UNC5C: variants seen among roughly 807,000 people sequenced by gnomAD.
UNC5C encodes netrin receptor UNC5C.
Under a neutral mutation model 99.8 loss-of-function variants are expected in UNC5C, and 47 were observed. The observed-to-expected ratio is 0.47, with a 90% confidence interval of 0.37 to 0.60. UNC5C has a LOEUF of 0.60. Ranked by LOEUF, UNC5C falls within the 20% of genes least tolerant of loss-of-function variation. The pLI, the probability that UNC5C is intolerant of heterozygous loss-of-function variation, is 0.00. For synonymous variants in UNC5C, 487 were observed against 452.2 expected, an observed-to-expected ratio of 1.08 and a Z score of -0.98; for missense variants, 1,062 against 1,165.9, an observed-to-expected ratio of 0.91 and a Z score of 1.30.
At chr4:95,461,283 G>C (rs1450593268) in intron 1 of UNC5C, among the ~76,000 whole-genome samples, 2 of 152,156 alleles carry the variant, frequency 1.3e-5, no homozygotes, top group African/African-American at 2.4e-5. Flanking sequence ...GTTAAGATGT[G>C]ATACAGTCCT....
intron 3 of UNC5C, among the ~76,000 whole-genome samples, chr4:95,294,067 T>C (rs762589167): frequency 1.3e-5 from 2 of 152,202 alleles, no homozygotes; most frequent in Non-Finnish European, 2.9e-5. Flanking sequence ...AAGAAAAGTA[T>C]TTCATAAATA....
At chr4:95,277,916 T>C (rs1740919100) in intron 4 of UNC5C, among the ~76,000 whole-genome samples, 1 of 152,204 alleles carries the variant, frequency 6.6e-6, no homozygotes, top group African/African-American at 2.4e-5. Context: ...ATTTTTCGCA[T>C]ATCAGCAAGA....
At chr4:95,296,505 T>C (rs1741675402) in intron 3 of UNC5C, among the ~76,000 whole-genome samples, 1 of 152,160 alleles carries the variant, frequency 6.6e-6, no homozygotes, top group Non-Finnish European at 1.5e-5. Context: ...AGAATATATC[T>C]ACTCAAACAC....
chr4:95,392,248 T>C (rs1236003533), intron 1 of UNC5C, among the ~76,000 whole-genome samples: 2 of 152,064 alleles, frequency 1.3e-5, no homozygotes, highest in Admixed American at 1.3e-4. Context: ...TATTGAGTAA[T>C]TATATAGTTA....
chr4:95,265,507 T>C (rs947908272), intron 4 of UNC5C, among the ~76,000 whole-genome samples: 3 of 152,176 alleles, frequency 2.0e-5, no homozygotes, highest in Non-Finnish European at 4.4e-5. Context: ...GAAGTGTGTA[T>C]AAATAATAAC....
intron 2 of UNC5C, among the ~76,000 whole-genome samples, chr4:95,308,845 A>G (rs1177132769): frequency 6.6e-6 from 1 of 151,066 alleles, no homozygotes; most frequent in Non-Finnish European, 1.5e-5. Context: ...TATTGTTAAA[A>G]TGTTCATATT....
chr4:95,278,652 A>C (rs977105199), intron 3 of UNC5C, among the ~76,000 whole-genome samples: 11 of 151,608 alleles, frequency 7.3e-5, no homozygotes, highest in African/African-American at 1.7e-4. Context: ...TTTTTTAAAA[A>C]AATTTTTTGT....
At chr4:95,215,905 T>G (rs1738230981) in intron 10 of UNC5C, 2 of 395,764 alleles carry the variant, frequency 5.1e-6, no homozygotes, top group East Asian at 9.3e-5. Flanking sequence ...TGGGAAAAGA[T>G]CTCTAGCCTT....
At chr4:95,483,939 A>C (rs1332480049) in intron 1 of UNC5C, among the ~76,000 whole-genome samples, 2 of 151,900 alleles carry the variant, frequency 1.3e-5, no homozygotes, top group Non-Finnish European at 2.9e-5. Context: ...TCATTCATTC[A>C]TTCATATTCT....
chr4:95,275,596 A>G (rs1740833094), intron 4 of UNC5C, among the ~76,000 whole-genome samples: 1 of 152,206 alleles, frequency 6.6e-6, no homozygotes, highest in African/African-American at 2.4e-5. Context: ...ATAGGATGCC[A>G]AAATAGGGAA....
rs370920512 is a variant in UNC5C at position 95,464,195 on chromosome 4, A to G, written c.124+84539T>C. 1.7e-3 allele frequency among the ~76,000 whole-genome samples: 259 copies of G among 152,290 alleles called. 4 individuals carry two copies. In the South Asian group the frequency reaches 0.022, roughly 13 times the overall value. On this transcript the variant is annotated intron_variant, in intron 1 of 15. Coordinates refer to ENST00000453304, the MANE Select transcript of UNC5C (RefSeq NM_003728.4). ...TTGGAAACTATTGATACTGAACCAC[A>G]CCACAAGACTCACTCAAAAGCTCTG...
At chr4:95,364,389 C>T (rs1343451679) in intron 1 of UNC5C, among the ~76,000 whole-genome samples, 1 of 152,190 alleles carries the variant, frequency 6.6e-6, no homozygotes, top group Non-Finnish European at 1.5e-5. Context: ...CAATTTGACA[C>T]AGCATTCAAT....
chr4:95,519,421 G>A (rs1340363709), intron 1 of UNC5C, among the ~76,000 whole-genome samples: 1 of 151,802 alleles, frequency 6.6e-6, no homozygotes, highest in Admixed American at 6.6e-5. Flanking sequence ...ATGGACCCAA[G>A]TTTATTTCAT....
At chr4:95,410,157 CCTT>C (rs746384492) in intron 1 of UNC5C, among the ~76,000 whole-genome samples, 13 of 152,102 alleles carry the variant, frequency 8.5e-5, no homozygotes, top group Admixed American at 3.3e-4. Context: ...GGGTATTACT[CCTT>C]CTTCTTTGCA....
intron 1 of UNC5C, among the ~76,000 whole-genome samples, chr4:95,415,371 A>G (rs758248590): frequency 5.3e-5 from 8 of 152,106 alleles, no homozygotes; most frequent in Non-Finnish European, 7.4e-5. Flanking sequence ...AAACAAAACA[A>G]AACCCTACAG....
intron 7 of UNC5C, among the ~76,000 whole-genome samples, chr4:95,227,827 G>A (rs991311441): frequency 2.0e-5 from 3 of 152,164 alleles, no homozygotes; most frequent in African/African-American, 7.2e-5. Flanking sequence ...CTGGGTGGCA[G>A]CATTCATATT....
intron 7 of UNC5C, among the ~76,000 whole-genome samples, chr4:95,235,940 G>C (rs188191099): frequency 0.012 from 1,812 of 152,224 alleles, 41 homozygotes; most frequent in African/African-American, 0.041. Context: ...AACAACAGGT[G>C]CTGGAGAGGA....
chr4:95,446,281 T>C (rs1747104098), intron 1 of UNC5C, among the ~76,000 whole-genome samples: 1 of 152,012 alleles, frequency 6.6e-6, no homozygotes. Context: ...AAAAAAAATC[T>C]ACAAAATGGA....
At chr4:95,303,744 T>C (rs1417689681) in intron 2 of UNC5C, among the ~76,000 whole-genome samples, 1 of 152,146 alleles carries the variant, frequency 6.6e-6, no homozygotes, top group East Asian at 1.9e-4. Flanking sequence ...GATGACATGA[T>C]CAGATGAGAA....
Sources: allele counts gnomAD v4.1 joint callset (sites outside exome capture counted in the v4.1 genomes callset), GRCh38; gene constraint gnomAD v4.1.1; transcripts MANE v1.5; gene names NCBI Gene and HGNC (gene_info 2026-07-23, HGNC 2026-07-21).